The following GRM8 variants were observed in gnomAD, a reference collection of about 807,000 sequenced individuals.
GRM8 encodes the protein metabotropic glutamate receptor 8.
A neutral mutation model predicts 87.2 loss-of-function variants in GRM8; 47 were observed. That is an observed-to-expected ratio of 0.54 (90% confidence interval 0.43 to 0.69). GRM8 has a LOEUF of 0.69. Among genes scored for constraint, GRM8 ranks in the 30% least tolerant of loss-of-function variants. The pLI is 0.00. For synonymous variants in GRM8, 396 were observed against 404.5 expected, an observed-to-expected ratio of 0.98 and a Z score of 0.25; for missense variants, 1,019 against 1,139.2, an observed-to-expected ratio of 0.89 and a Z score of 1.52.
intron 2 of GRM8, among the ~76,000 whole-genome samples, chr7:127,153,777 A>G (rs991967369): frequency 1.3e-5 from 2 of 152,166 alleles, no homozygotes; most frequent in Admixed American, 1.3e-4. Context: ...TCAATTAGAA[A>G]TGGCAAATAT....
At chr7:126,701,078 C>T (rs2151394562) in intron 7 of GRM8, among the ~76,000 whole-genome samples, 1 of 151,704 alleles carries the variant, frequency 6.6e-6, no homozygotes, top group Middle Eastern at 3.4e-3. Flanking sequence ...CAATAATTAC[C>T]AAGCACTTAC....
At chr7:126,631,583 C>G (rs1410878328) in intron 7 of GRM8, among the ~76,000 whole-genome samples, 2 of 151,536 alleles carry the variant, frequency 1.3e-5, no homozygotes, top group Non-Finnish European at 2.9e-5. Flanking sequence ...GCAAGACAAT[C>G]GTAAGAAAAA....
intron 6 of GRM8, among the ~76,000 whole-genome samples, chr7:126,885,951 C>A (rs1014749495): frequency 7.9e-5 from 12 of 152,110 alleles, no homozygotes; most frequent in African/African-American, 2.9e-4. Context: ...TTCTTTGTGG[C>A]ACTTGGCACA....
At chr7:126,946,049 T>C (rs758110036) in intron 3 of GRM8, among the ~76,000 whole-genome samples, 39 of 152,208 alleles carry the variant, frequency 2.6e-4, no homozygotes, top group Non-Finnish European at 5.3e-4. Context: ...CCCTGTAATT[T>C]TGCATTCTTC....
chr7:126,847,437 A>G (rs1381128479), intron 6 of GRM8, among the ~76,000 whole-genome samples: 1 of 152,182 alleles, frequency 6.6e-6, no homozygotes, highest in Non-Finnish European at 1.5e-5. Flanking sequence ...TATTTTGCGT[A>G]TGACCCTGCA....
chr7:126,790,488 CCAA>C (rs1821164998), intron 6 of GRM8, among the ~76,000 whole-genome samples: 1 of 152,188 alleles, frequency 6.6e-6, no homozygotes, highest in Non-Finnish European at 1.5e-5. Flanking sequence ...CCCATCCACA[CCAA>C]CATTTTAAAT....
intron 3 of GRM8, among the ~76,000 whole-genome samples, chr7:127,092,147 A>C (rs536879985): frequency 6.6e-6 from 1 of 150,974 alleles, no homozygotes; most frequent in Middle Eastern, 3.4e-3. Context: ...AATTTTAATT[A>C]AGCTTTTGCT....
chr7:126,946,934 T>A (rs1053516087), intron 3 of GRM8, among the ~76,000 whole-genome samples: 1 of 152,228 alleles, frequency 6.6e-6, no homozygotes, highest in African/African-American at 2.4e-5. Flanking sequence ...CCTTTATGAT[T>A]CATGTCATCA....
intron 2 of GRM8, among the ~76,000 whole-genome samples, chr7:127,175,820 A>G (rs1323186182): frequency 6.6e-6 from 1 of 152,210 alleles, no homozygotes; most frequent in Non-Finnish European, 1.5e-5. Context: ...ATTCATTACC[A>G]GAAGACCTGT....
intron 7 of GRM8, among the ~76,000 whole-genome samples, chr7:126,616,311 C>T (rs1302166739): frequency 2.0e-5 from 3 of 152,054 alleles, no homozygotes; most frequent in African/African-American, 4.8e-5. Context: ...GAAATAAAGA[C>T]GTTCTTTGAA....
At chr7:127,123,895 T>C (rs1827219551) in intron 2 of GRM8, among the ~76,000 whole-genome samples, 1 of 150,364 alleles carries the variant, frequency 6.7e-6, no homozygotes, top group African/African-American at 2.4e-5. Flanking sequence ...CCTTTCCCTT[T>C]CCTTTCGTTA....
At chr7:126,948,782 G>T (rs1179427282) in intron 3 of GRM8, among the ~76,000 whole-genome samples, 1 of 152,166 alleles carries the variant, frequency 6.6e-6, no homozygotes, top group Non-Finnish European at 1.5e-5. Flanking sequence ...TCTCAGATGG[G>T]CCAGCCCAAG....
intron 7 of GRM8, among the ~76,000 whole-genome samples, chr7:126,710,908 C>T (rs960286482): frequency 2.6e-5 from 4 of 152,186 alleles, no homozygotes; most frequent in Non-Finnish European, 4.4e-5. Flanking sequence ...GTACATGGCT[C>T]ATGCCTGTAA....
At chr7:126,551,769 A>G (rs1434274463) in intron 8 of GRM8, among the ~76,000 whole-genome samples, 3 of 152,050 alleles carry the variant, frequency 2.0e-5, no homozygotes, top group Middle Eastern at 3.2e-3. Flanking sequence ...CCACAAAGGG[A>G]ACGTAGCTAG....
chr7:126,565,849 T>C lies in GRM8; in HGVS notation c.1495-31962A>G, dbSNP rs536499115. ...GTATAAATACAGACATATAAGCCAA[T>C]AGAACAGAATAGAGACCCCAGAAAT... is the stretch of plus-strand genomic sequence containing the variant. On this transcript the variant is annotated intron_variant, in intron 8 of 10. Coordinates refer to ENST00000339582, the MANE Select transcript of GRM8 (RefSeq NM_000845.3). Among the ~76,000 whole-genome samples the C allele has an allele frequency of 2.7e-4, 41 of 152,100 alleles. No individual in the cohort carries two copies. The South Asian group carries it at 7.9e-3, about 29-fold the overall frequency.
intron 2 of GRM8, among the ~76,000 whole-genome samples, chr7:127,109,973 C>T (rs1230802474): frequency 6.6e-6 from 1 of 152,048 alleles, no homozygotes; most frequent in African/African-American, 2.4e-5. Context: ...TGAGTTTGTC[C>T]CGGAGGCACT....
chr7:126,685,793 C>T lies in GRM8; in HGVS notation c.1358-76295G>A, dbSNP rs552185949. On this transcript the variant is annotated intron_variant, in intron 7 of 10. Coordinates refer to ENST00000339582, the MANE Select transcript of GRM8 (RefSeq NM_000845.3). The surrounding 1 kb of genome is among the most constrained non-coding windows in gnomAD (Gnocchi z 4.2). ...TCTGGGTGCGATGAATGGTGACAGG[C>T]GGCAGACAGGCTCCTGGGCAGAAGG... Among the ~76,000 whole-genome samples the T allele has an allele frequency of 7.9e-5, 12 of 151,938 alleles. No homozygotes were observed. The highest frequency in any genetic ancestry group is 3.4e-3 in the Middle Eastern group (1 of 294).
intron 9 of GRM8, among the ~76,000 whole-genome samples, chr7:126,531,315 A>T (rs1814783423): frequency 6.6e-6 from 1 of 152,232 alleles, no homozygotes. Flanking sequence ...TATATTATAA[A>T]TACAAAATGA....
At chr7:126,942,575 T>C (rs909286702) in intron 3 of GRM8, among the ~76,000 whole-genome samples, 2 of 152,142 alleles carry the variant, frequency 1.3e-5, no homozygotes. Flanking sequence ...CCAAATACCT[T>C]GGTCTGTGCT....
Sources: gnomAD v4.1 joint callset for allele counts (sites outside exome capture counted in the v4.1 genomes callset) on GRCh38, gnomAD v4.1.1 for gene constraint, Gnocchi (gnomAD v3.1) non-coding constraint, MANE v1.5 for transcripts, NCBI Gene and HGNC (gene_info 2026-07-23, HGNC 2026-07-21) for gene names.